Variants in ROBO1 observed in about 807,000 individuals in gnomAD.
ROBO1 encodes the protein roundabout guidance receptor 1, also known as roundabout homolog 1.
Under a neutral mutation model 195.9 loss-of-function variants are expected in ROBO1, and 149 were observed. The ratio of observed to expected loss-of-function variants is 0.76; its 90% confidence interval spans 0.67 to 0.87. The LOEUF is 0.87. ROBO1 is among the 40% of genes least tolerant of loss of function. The pLI is 0.00. For synonymous variants in ROBO1, 816 were observed against 733.2 expected (o/e 1.11, Z -1.82); for missense variants, 1,933 against 2,068.3 (o/e 0.93, Z 1.27).
chr3:79,030,413 G>T (rs1259854320), intron 3 of ROBO1, among the ~76,000 whole-genome samples: 1 of 152,144 alleles, frequency 6.6e-6, no homozygotes, highest in Non-Finnish European at 1.5e-5. Context: ...ATAGTATCTA[G>T]ACTGAGTAAC....
intron 3 of ROBO1, among the ~76,000 whole-genome samples, chr3:79,001,779 C>G (rs1032968201): frequency 2.6e-5 from 4 of 152,174 alleles, no homozygotes; most frequent in East Asian, 1.9e-4. Flanking sequence ...AAATGTGTCT[C>G]TTTAATAATA....
chr3:78,745,902 TGCTCTTGTACATCTTCA>T (rs2082645929), intron 5 of ROBO1, among the ~76,000 whole-genome samples: 1 of 152,242 alleles, frequency 6.6e-6, no homozygotes, highest in African/African-American at 2.4e-5. Flanking sequence ...ATTATAACTT[TGCTCTTGTACATCTTCA>T]GCAGTGACCT....
chr3:79,043,580 G>T (rs2078529399), intron 3 of ROBO1, among the ~76,000 whole-genome samples: 1 of 151,762 alleles, frequency 6.6e-6, no homozygotes, highest in Admixed American at 6.6e-5. Flanking sequence ...CTCAGATTCT[G>T]TATTTCTTGC....
intron 1 of ROBO1, among the ~76,000 whole-genome samples, chr3:79,604,925 T>A (rs956049804): frequency 1.3e-5 from 2 of 152,076 alleles, no homozygotes; most frequent in Non-Finnish European, 2.9e-5. Flanking sequence ...TGTTGCTTGT[T>A]TTCTTAACAC....
chr3:78,659,915 ATGCTT>A (rs1707281671), intron 16 of ROBO1, 108 bp from the exon 17 acceptor site: 5 of 615,806 alleles, frequency 8.1e-6, no homozygotes, highest in African/African-American at 7.9e-5. Flanking sequence ...ATATCAATAT[ATGCTT>A]TTTTTTTTTT....
At chr3:79,545,720 T>C (rs958893527) in intron 2 of ROBO1, among the ~76,000 whole-genome samples, 3 of 152,204 alleles carry the variant, frequency 2.0e-5, no homozygotes, top group Non-Finnish European at 4.4e-5. Flanking sequence ...TTTATTTTAG[T>C]AGCAATTATA....
chr3:79,675,643 C>T (rs1946761866), intron 1 of ROBO1, among the ~76,000 whole-genome samples: 2 of 152,030 alleles, frequency 1.3e-5, no homozygotes, highest in South Asian at 2.1e-4. Context: ...ATAGAGGTAA[C>T]ATTTAATTTT....
At chr3:78,711,335 C>CTTT (rs1559772516) in intron 8 of ROBO1, among the ~76,000 whole-genome samples, 6 of 104,424 alleles carry the variant, frequency 5.7e-5, no homozygotes, top group African/African-American at 2.5e-4. Context: ...CTCCTTCCTT[C>CTTT]CTTCCTTCCT....
At chr3:79,478,384 C>G (rs1314878715) in intron 2 of ROBO1, among the ~76,000 whole-genome samples, 1 of 99,174 alleles carries the variant, frequency 1.0e-5, no homozygotes, top group Non-Finnish European at 2.2e-5. Context: ...AATCTGCAGA[C>G]CAACCCCCCC....
chr3:78,976,401 C>G (rs2107953381), intron 3 of ROBO1, among the ~76,000 whole-genome samples: 1 of 152,304 alleles, frequency 6.6e-6, no homozygotes, highest in South Asian at 2.1e-4. Flanking sequence ...AGGCTGTCTC[C>G]ACTGTGCCGG....
At chr3:79,007,252 C>T (rs1356192467) in intron 3 of ROBO1, among the ~76,000 whole-genome samples, 5 of 152,006 alleles carry the variant, frequency 3.3e-5, no homozygotes, top group Admixed American at 3.3e-4. Context: ...AAACCAAGGC[C>T]AGTAGGTCAG....
At chr3:78,701,446 G>C (rs565199406) in intron 8 of ROBO1, among the ~76,000 whole-genome samples, 30 of 152,258 alleles carry the variant, frequency 2.0e-4, no homozygotes, top group Admixed American at 8.5e-4. Flanking sequence ...CAGTGTGAAA[G>C]GAAATGCTTT....
chr3:79,136,411 A>T (rs920653753), intron 2 of ROBO1, among the ~76,000 whole-genome samples: 101 of 152,244 alleles, frequency 6.6e-4, no homozygotes, highest in Middle Eastern at 6.8e-3. Context: ...TTGCATTATC[A>T]CAGTGCAGAG....
chr3:79,170,454 T>A (rs2081146522), intron 2 of ROBO1, among the ~76,000 whole-genome samples: 1 of 152,178 alleles, frequency 6.6e-6, no homozygotes, highest in Non-Finnish European at 1.5e-5. Context: ...ATCTGTTCCA[T>A]TACCTAGATA....
chr3:79,114,335 C>T (rs986908834), intron 3 of ROBO1, among the ~76,000 whole-genome samples: 2 of 152,184 alleles, frequency 1.3e-5, no homozygotes, highest in Admixed American at 6.5e-5. Flanking sequence ...ACATGAAATG[C>T]AGCTACTTTT....
intron 2 of ROBO1, among the ~76,000 whole-genome samples, chr3:79,291,229 C>T (rs867820902): frequency 1.3e-5 from 2 of 152,130 alleles, no homozygotes. Flanking sequence ...TGAACTTTTG[C>T]CTCCTTTGAA....
At chr3:79,266,711 A>G (rs920582669) in intron 2 of ROBO1, among the ~76,000 whole-genome samples, 1 of 151,596 alleles carries the variant, frequency 6.6e-6, no homozygotes, top group East Asian at 1.9e-4. Context: ...CCAATGACAA[A>G]GGATGGTTAC....
intron 2 of ROBO1, among the ~76,000 whole-genome samples, chr3:79,511,566 A>G (rs756602896): frequency 1.6e-4 from 24 of 152,282 alleles, no homozygotes; most frequent in Non-Finnish European, 2.8e-4. Context: ...GAGCTTAAAT[A>G]TAAAAGTTTA....
intron 28 of ROBO1, among the ~76,000 whole-genome samples, chr3:78,609,880 T>G (rs1303563244): frequency 6.6e-6 from 1 of 152,220 alleles, no homozygotes; most frequent in Non-Finnish European, 1.5e-5. Flanking sequence ...ACTTTTTTGT[T>G]CCATAAATAT....
Sources: gnomAD v4.1 joint callset for allele counts (sites outside exome capture counted in the v4.1 genomes callset) on GRCh38, gnomAD v4.1.1 for gene constraint, MANE v1.5 for transcripts, NCBI Gene and HGNC (gene_info 2026-07-23, HGNC 2026-07-21) for gene names.